EN1: variants seen among roughly 807,000 people sequenced by gnomAD.
EN1 encodes engrailed homeobox 1.
In EN1, 8 loss-of-function variants were observed where a neutral mutation model predicts 22.9. The ratio of observed to expected loss-of-function variants is 0.35; its 90% CI spans 0.20 to 0.63. EN1 has a LOEUF of 0.63. EN1 is among the 20% of genes least tolerant of loss of function. EN1 has a pLI of 0.73. For missense variants in EN1, 521 were observed against 572.1 expected, an observed-to-expected ratio of 0.91 and a Z score of 0.91; for synonymous variants, 287 against 262.5, an observed-to-expected ratio of 1.09 and a Z score of -0.90.
In EN1 at chr2:118,846,212, A is replaced by G. The variant is rs1678265400; in HGVS notation, c.862+94T>C. 3 of 1,517,072 alleles carry G rather than the reference A, an allele frequency of 2.0e-6. No individual in the cohort carries two copies. The East Asian group carries it at 7.7e-5, about 39-fold the overall frequency. 94.0% of individuals were successfully genotyped at this position (1,517,072 alleles called of 1,614,324 possible). A position where few individuals can be genotyped will look rare whatever the true frequency, so the allele number is the denominator to read the frequency against. ...CAGGCGTGAGAGACTGGAGTACCCGAGGCCGGGTTTGCTCTCCCTAGCGCC... is the reference window on the plus strand; with the variant it reads ...CAGGCGTGAGAGACTGGAGTACCCGGGGCCGGGTTTGCTCTCCCTAGCGCC... On this transcript the variant is annotated intron_variant, in intron 1 of 1. Coordinates refer to ENST00000295206, the MANE Select transcript of EN1 (RefSeq NM_001426.4). This position sits in a 1 kb window ranked among gnomAD's most constrained non-coding sequence, Gnocchi z 5.0.
chr2:118,847,298 G>A lies in EN1; in HGVS notation c.-131C>T. On this transcript the variant is annotated 5_prime_UTR_variant, in exon 1 of 2. Coordinates refer to ENST00000295206, the MANE Select transcript of EN1 (RefSeq NM_001426.4). ...GCAGGCGAAGCCTCAGCGAAGGCACGGGGCGGGTGCAGGAAAAAAGCTCAG... is the reference window on the plus strand; with the variant it reads ...GCAGGCGAAGCCTCAGCGAAGGCACAGGGCGGGTGCAGGAAAAAAGCTCAG... 2 of 409,978 alleles carry A rather than the reference G, an allele frequency of 4.9e-6. No homozygotes were observed. Among genetic ancestry groups the A allele is most frequent in the Non-Finnish European group, 8.5e-6 (2 of 234,724 alleles). 25.4% of individuals were successfully genotyped at this position (409,978 alleles called of 1,614,324 possible). A position where few individuals can be genotyped will look rare whatever the true frequency, so the allele number is the denominator to read the frequency against.
chr2:118,847,612 G>A lies in EN1; in HGVS notation c.-445C>T, dbSNP rs1167994991. The stretch of plus-strand genomic sequence containing the variant: ...GCCATCTTCCTAGGCAGTAGTGAGG[G>A]GTTTGACTTCCCCGAGTGTCACGCT... On this transcript the variant is annotated 5_prime_UTR_variant, in exon 1 of 2. Coordinates refer to ENST00000295206, the MANE Select transcript of EN1 (RefSeq NM_001426.4). 1 of 152,426 alleles carries A rather than the reference G, an allele frequency of 6.6e-6. No homozygotes were observed. Among genetic ancestry groups the A allele is most frequent in the African/African-American group, 2.4e-5 (1 of 41,450 alleles). The allele number at this position is 152,426 out of a possible 1,614,324, so 9.4% of individuals were successfully genotyped here.
Position 118,847,169 on chromosome 2 carries a change from C to T in EN1, c.-2G>A. 2.1e-6 allele frequency: 2 copies of T among 947,852 alleles called. No individual in the cohort carries two copies. The highest frequency in any genetic ancestry group is 2.9e-6 in the Non-Finnish European group (2 of 686,410). 58.7% of individuals were successfully genotyped at this position (947,852 alleles called of 1,614,324 possible). ...AGGTTCCGGCTGCTGTTCTTCCATG[C>T]TCGGCCGCCCCGCCGCCCCGGCCGC... On this transcript the variant is annotated 5_prime_UTR_variant, in exon 1 of 2. Coordinates refer to ENST00000295206, the MANE Select transcript of EN1 (RefSeq NM_001426.4).
Position 118,843,019 on chromosome 2 carries a change from G to A in EN1, c.1098C>T (p.Asn366=), listed in dbSNP as rs139806570. The part of the protein sequence containing the change: ...AKIKKATGIK[N]GLALHLMAQG... Reference sequence around the variant, plus strand: ...GGGCCATGAGGTGCAGCGCCAGGCCGTTCTTGATGCCTGTGGCTTTCTTGA... The same window carrying A: ...GGGCCATGAGGTGCAGCGCCAGGCCATTCTTGATGCCTGTGGCTTTCTTGA... Residue 366 remains asparagine (N), a synonymous_variant, in exon 2 of 2, where the codon AAC becomes AAT. Coordinates refer to ENST00000295206, the MANE Select transcript of EN1 (RefSeq NM_001426.4). 6.2e-7 allele frequency: 1 copy of A among 1,614,026 alleles called. No individual in the cohort carries two copies. Among genetic ancestry groups the A allele is most frequent in the African/African-American group, 1.3e-5 (1 of 74,908 alleles).
chr2:118,846,985 C>G lies in EN1; in HGVS notation c.183G>C (p.Ala61=), dbSNP rs764736993. Residue 61 remains alanine (A), a synonymous_variant, in exon 1 of 2, where the codon GCG becomes GCC. Transcript: ENST00000295206. This position sits in a 1 kb window ranked among gnomAD's most constrained non-coding sequence, Gnocchi z 5.0. The part of the protein sequence containing the change: ...SPQPAPPSPP[A]APCLPPLAHH... Reference sequence around the variant, plus strand: ...GGGCCAGGGGCGGCAGGCAAGGCGCCGCGGGCGGCGAGGGGGGCGCAGGCT... The same window carrying G: ...GGGCCAGGGGCGGCAGGCAAGGCGCGGCGGGCGGCGAGGGGGGCGCAGGCT... The G allele has an allele frequency of 3.7e-6, 5 of 1,355,836 alleles. No individual in the cohort carries two copies. Among genetic ancestry groups the G allele is most frequent in the Non-Finnish European group, 3.8e-6 (4 of 1,063,848 alleles). 84.0% of individuals were successfully genotyped at this position (1,355,836 alleles called of 1,614,324 possible).
At position 118,842,885 on chromosome 2, in the gene EN1, A is replaced by T. The variant is rs1418014425; in HGVS notation, c.*53T>A. ...TTCTCCCCCAGCGAGGGGCCGGGAG[A>T]CGACGGCGGCGGTGCCGGGAGGGGG... On this transcript the variant is annotated 3_prime_UTR_variant, in exon 2 of 2. Coordinates refer to ENST00000295206, the MANE Select transcript of EN1 (RefSeq NM_001426.4). 2 of 1,553,826 alleles carry T rather than the reference A, an allele frequency of 1.3e-6. No individual in the cohort carries two copies. Among genetic ancestry groups the T allele is most frequent in the East Asian group, 4.6e-5 (2 of 43,884 alleles).
At chr2:118,844,774 C>T (rs182094146) in intron 1 of EN1, among the ~76,000 whole-genome samples, 124 of 152,338 alleles carry the variant, frequency 8.1e-4, no homozygotes, top group African/African-American at 2.7e-3. Flanking sequence ...TGGGTCGAGG[C>T]TCATCCCCTC....
chr2:118,844,149 A>G (rs1401938819), intron 1 of EN1: 1 of 152,068 alleles, frequency 6.6e-6, no homozygotes. Flanking sequence ...GGTCTTCCTT[A>G]TCTCCCCTTT....
Position 118,847,045 on chromosome 2 carries a change from G to A in EN1, c.123C>T (p.Ser41=), listed in dbSNP as rs1305741092. ...CCGGCACGCTGTCTCCATCGCTGCC[G>A]CTGCCGCTGCTGCCGCTGGCGCCCG... The part of the protein sequence containing the change: ...LSPGASGSSG[S]GSDGDSVPVS... The change falls in exon 1 of 2, where the codon AGC becomes AGT. Residue 41 remains serine (S), a synonymous_variant. Coordinates refer to ENST00000295206, the MANE Select transcript of EN1 (RefSeq NM_001426.4). The A allele has an allele frequency of 7.1e-7, 1 of 1,412,602 alleles. No homozygotes were observed. The highest frequency in any genetic ancestry group is 9.2e-7 in the Non-Finnish European group (1 of 1,085,656). 87.5% of individuals were successfully genotyped at this position (1,412,602 alleles called of 1,614,324 possible).
rs973335952 is a variant in EN1, at chr2:118,847,299, G to C, written c.-132C>G. 2 of 407,714 alleles carry C rather than the reference G, an allele frequency of 4.9e-6. No individual in the cohort carries two copies. Among genetic ancestry groups the C allele is most frequent in the African/African-American group, 2.1e-5 (1 of 47,354 alleles). The allele number at this position is 407,714 out of a possible 1,614,324, so 25.3% of individuals were successfully genotyped here. On this transcript the variant is annotated 5_prime_UTR_variant, in exon 1 of 2. Transcript: ENST00000295206. ...CAGGCGAAGCCTCAGCGAAGGCACG[G>C]GGCGGGTGCAGGAAAAAAGCTCAGG...
Position 118,847,115 on chromosome 2 carries a change from G to T in EN1, c.53C>A (p.Ala18Glu). The T allele has an allele frequency of 7.4e-7, 1 of 1,355,050 alleles. No individual in the cohort carries two copies. Among genetic ancestry groups the T allele is most frequent in the Non-Finnish European group, 9.7e-7 (1 of 1,027,524 alleles). The allele number at this position is 1,355,050 out of a possible 1,614,324, so 83.9% of individuals were successfully genotyped here. The change falls in exon 1 of 2, where the codon GCG (alanine) becomes GAG (glutamate). Residue 18 changes from alanine (A) to glutamate (E), a missense_variant. Physicochemically the swap from Ala to Glu is moderately radical, Grantham distance 107. Coordinates refer to ENST00000295206, the MANE Select transcript of EN1 (RefSeq NM_001426.4). The part of the protein sequence containing the change: ...PKSQRDSALG[A>E]AAAATPGGLS... ...GCCGCCCGGAGTCGCCGCCGCCGCC[G>T]CGCCGAGGGCCGAGTCGCGCTGACT...
Position 118,847,378 on chromosome 2 carries a change from C to T in EN1, c.-211G>A. On this transcript the variant is annotated 5_prime_UTR_variant, in exon 1 of 2. Transcript: ENST00000295206. ...TAGCAGATAGATCTCGCTGTCTCTC[C>T]CTCTCTAATTTGTAGACATCCAGAT... The T allele has an allele frequency of 2.8e-6, 1 of 358,294 alleles. No homozygotes were observed. Among genetic ancestry groups the T allele is most frequent in the Non-Finnish European group, 5.0e-6 (1 of 201,168 alleles). 22.2% of individuals were successfully genotyped at this position (358,294 alleles called of 1,614,324 possible).
chr2:118,846,527 G>A lies in EN1; in HGVS notation c.641C>T (p.Ala214Val). 8.2e-7 allele frequency: 1 copy of A among 1,216,198 alleles called. No homozygotes were observed. The highest frequency in any genetic ancestry group is 1.0e-6 in the Non-Finnish European group (1 of 975,068). 75.3% of individuals were successfully genotyped at this position (1,216,198 alleles called of 1,614,324 possible). Reference sequence around the variant, plus strand: ...GTCCGAGGGCTTGGCTGCTGCGGCCGCCGCCGCCGCCGCCACTGCCGCCGC... The same window carrying A: ...GTCCGAGGGCTTGGCTGCTGCGGCCACCGCCGCCGCCGCCACTGCCGCCGC... ...AAAAAVAAAA[A>V]AAAAKPSDTG... is the part of the protein sequence containing the mutation. The change falls in exon 1 of 2, where the codon GCG (alanine) becomes GTG (valine). Residue 214 changes from alanine (A) to valine (V), a missense_variant. Transcript: ENST00000295206. The surrounding 1 kb of genome is among the most constrained non-coding windows in gnomAD (Gnocchi z 5.0).
Position 118,846,911 on chromosome 2 carries a change from A to T in EN1, c.257T>A (p.Leu86His). Reference protein sequence around the residue: ...PHPPPPPPQHLAAPAHQPQPA... With the variant: ...PHPPPPPPQHHAAPAHQPQPA... ...CTGCGGCTGGTGAGCAGGCGCCGCG[A>T]GATGCTGAGGCGGCGGGGGCGGGGG... The change falls in exon 1 of 2, where the codon CTC becomes CAC. Residue 86 changes from leucine to histidine, a missense_variant. By Grantham distance (99) the Leu-to-His change is moderately conservative. Coordinates refer to ENST00000295206, the MANE Select transcript of EN1 (RefSeq NM_001426.4). This position sits in a 1 kb window ranked among gnomAD's most constrained non-coding sequence, Gnocchi z 5.0. 2 of 1,282,472 alleles carry T rather than the reference A, an allele frequency of 1.6e-6. No homozygotes were observed. The highest frequency in any genetic ancestry group is 2.4e-5 in the South Asian group (2 of 82,714). 79.4% of individuals were successfully genotyped at this position (1,282,472 alleles called of 1,614,324 possible).
rs1289638765 is a variant in EN1 at position 118,842,776 on chromosome 2, T to G, written c.*162A>C. 1 of 1,248,562 alleles carries G rather than the reference T, an allele frequency of 8.0e-7. No homozygotes were observed. The highest frequency in any genetic ancestry group is 2.6e-5 in the East Asian group (1 of 38,694). The allele number at this position is 1,248,562 out of a possible 1,614,324, so 77.3% of individuals were successfully genotyped here. A position where few individuals can be genotyped will look rare whatever the true frequency, so the allele number is the denominator to read the frequency against. On this transcript the variant is annotated 3_prime_UTR_variant, in exon 2 of 2. Coordinates refer to ENST00000295206, the MANE Select transcript of EN1 (RefSeq NM_001426.4). ...TCTCCCTTTTCAAAAATGCTGCGTT[T>G]CAACGTCATTGTCCATTCTGAGGCT...
At position 118,842,898 on chromosome 2, in the gene EN1, T is replaced by C. The variant is rs779682738; in HGVS notation, c.*40A>G. The C allele has an allele frequency of 2.5e-6, 4 of 1,574,056 alleles. No homozygotes were observed. The African/African-American group carries it at 4.1e-5, about 16-fold the overall frequency. ...AGGGGCCGGGAGACGACGGCGGCGG[T>C]GCCGGGAGGGGGCGCGGGCGCGGCC... On this transcript the variant is annotated 3_prime_UTR_variant, in exon 2 of 2. Transcript: ENST00000295206.
rs61734176 is a variant in EN1, at chr2:118,842,780, C to A, written c.*158G>T. 0.11 allele frequency: 138,560 copies of A among 1,260,020 alleles called. 9,153 individuals are homozygous for A. Among genetic ancestry groups the A allele is most frequent in the Non-Finnish European group, 0.13 (119,884 of 944,716 alleles). 78.1% of individuals were successfully genotyped at this position (1,260,020 alleles called of 1,614,324 possible). On this transcript the variant is annotated 3_prime_UTR_variant, in exon 2 of 2. Transcript: ENST00000295206. ...CCTTTTCAAAAATGCTGCGTTTCAACGTCATTGTCCATTCTGAGGCTCTCT... is the reference window on the plus strand; with the variant it reads ...CCTTTTCAAAAATGCTGCGTTTCAAAGTCATTGTCCATTCTGAGGCTCTCT...
In EN1 at chr2:118,846,488, C is replaced by A. The variant is rs1489627947; in HGVS notation, c.680G>T (p.Gly227Val). Residue 227 changes from glycine (G) to valine (V), a missense_variant, in exon 1 of 2, where the codon GGC becomes GTC. Physicochemically the swap from Gly to Val is moderately radical, Grantham distance 109 (BLOSUM62 -3). Coordinates refer to ENST00000295206, the MANE Select transcript of EN1 (RefSeq NM_001426.4). The surrounding 1 kb of genome is among the most constrained non-coding windows in gnomAD (Gnocchi z 5.0). The stretch of plus-strand genomic sequence containing the variant: ...GGGGCTCCCCGCGCCGCCTCCACTG[C>A]CGCCGCCACCGGTGTCCGAGGGCTT... ...AAKPSDTGGG[G>V]SGGGAGSPGA... The A allele has an allele frequency of 6.3e-7, 1 of 1,580,444 alleles. No homozygotes were observed. The highest frequency in any genetic ancestry group is 8.6e-7 in the Non-Finnish European group (1 of 1,166,034).
At position 118,842,767 on chromosome 2, in the gene EN1, T is replaced by C; in HGVS notation, c.*171A>G. The C allele has an allele frequency of 8.6e-7, 1 of 1,164,732 alleles. No homozygotes were observed. Among genetic ancestry groups the C allele is most frequent in the South Asian group, 1.7e-5 (1 of 58,342 alleles). 72.1% of individuals were successfully genotyped at this position (1,164,732 alleles called of 1,614,324 possible). A position where few individuals can be genotyped will look rare whatever the true frequency, so the allele number is the denominator to read the frequency against. On this transcript the variant is annotated 3_prime_UTR_variant, in exon 2 of 2. Transcript: ENST00000295206. ...CCGAGTCTTTCTCCCTTTTCAAAAA[T>C]GCTGCGTTTCAACGTCATTGTCCAT...
Sources: gnomAD v4.1 joint callset for allele counts (sites outside exome capture counted in the v4.1 genomes callset) on GRCh38, gnomAD v4.1.1 for gene constraint, Gnocchi (gnomAD v3.1) non-coding constraint, MANE v1.5 for transcripts, NCBI Gene and HGNC (gene_info 2026-07-23, HGNC 2026-07-21) for gene names.